The following PSMC2 variants were observed in gnomAD, a reference collection of about 807,000 sequenced individuals.
PSMC2 encodes proteasome 26S subunit, ATPase 2.
Under a neutral mutation model 53.3 loss-of-function variants are expected in PSMC2, and 7 were observed. The observed-to-expected ratio is 0.13, with a 90% CI of 0.07 to 0.25. The LOEUF (loss-of-function observed/expected upper bound fraction) is 0.25. Ranked by LOEUF, PSMC2 falls within the 10% of genes least tolerant of loss-of-function variation. PSMC2 has a pLI of 1.00. For synonymous variants in PSMC2, 169 were observed against 183.9 expected (o/e 0.92, Z 0.66); for missense variants, 241 against 544.0 (o/e 0.44, Z 5.54).
chr7:103,365,112 C>G (rs1162798239), intron 8 of PSMC2, among the ~76,000 whole-genome samples: 1 of 151,624 alleles, frequency 6.6e-6, no homozygotes, highest in Non-Finnish European at 1.5e-5. Context: ...CTAAAACTTG[C>G]AAGTCAAATT....
rs1426322126 is a variant in PSMC2 at position 103,352,218 on chromosome 7, A to T, written c.71-1703A>T. ...CCTACCTCTACTCATACTTAGTTAA[A>T]AAAAAAAAAAAAAAAAAAAAAAAAA... On this transcript the variant is annotated intron_variant, in intron 1 of 11. Coordinates refer to ENST00000292644, the MANE Select transcript of PSMC2 (RefSeq NM_002803.4). 5.4e-3 allele frequency among the ~76,000 whole-genome samples: 623 copies of T among 115,950 alleles called. 8 individuals carry two copies. Among genetic ancestry groups the T allele is most frequent in the African/African-American group, 0.037 (585 of 15,724 alleles). 76.1% of individuals were successfully genotyped at this position (115,950 alleles called of 152,430 possible).
chr7:103,352,719 A>T, intron 1 of PSMC2: 1 of 688,750 alleles, frequency 1.5e-6, no homozygotes, highest in Non-Finnish European at 2.7e-6. Flanking sequence ...TCCTAAAAAC[A>T]ACTCATCCTG....
intron 4 of PSMC2, among the ~76,000 whole-genome samples, chr7:103,357,050 G>C (rs1399747209): frequency 6.6e-6 from 1 of 152,040 alleles, no homozygotes; most frequent in African/African-American, 2.4e-5. Context: ...TTCAGGCTGG[G>C]CACGGCAGCT....
intron 1 of PSMC2, among the ~76,000 whole-genome samples, chr7:103,353,105 A>G (rs1819817459): frequency 6.6e-6 from 1 of 152,194 alleles, no homozygotes; most frequent in Non-Finnish European, 1.5e-5. Context: ...TTAACTGTAA[A>G]TCACTTGAAA....
intron 1 of PSMC2, among the ~76,000 whole-genome samples, chr7:103,352,559 A>T (rs899768576): frequency 2.0e-5 from 3 of 151,748 alleles, no homozygotes; most frequent in African/African-American, 7.3e-5. Flanking sequence ...ACAAGTGCAT[A>T]CCACCATGCT....
chr7:103,363,293 G>C, intron 6 of PSMC2, 51 bp from the exon 7 acceptor site: 2 of 1,412,310 alleles, frequency 1.4e-6, no homozygotes, highest in South Asian at 2.3e-5. Context: ...AATTTGGACA[G>C]TATCCAAAAA....
Position 103,353,970 on chromosome 7 carries a change from C to T in PSMC2, c.108+12C>T. On this transcript the variant is annotated intron_variant, in intron 2 of 11. Transcript: ENST00000292644. Reference sequence around the variant, plus strand: ...TGTTGAAAACTTATGTAAGTCCTTTCAGTGTCTACAAACTATAGATGTTTT... The same window carrying T: ...TGTTGAAAACTTATGTAAGTCCTTTTAGTGTCTACAAACTATAGATGTTTT... 1 of 1,573,318 alleles carries T rather than the reference C, an allele frequency of 6.4e-7. No individual in the cohort carries two copies. The highest frequency in any genetic ancestry group is 8.7e-7 in the Non-Finnish European group (1 of 1,148,410).
chr7:103,363,308 G>T, intron 6 of PSMC2, 36 bp from the exon 7 acceptor site: 1 of 1,526,676 alleles, frequency 6.6e-7, no homozygotes. Flanking sequence ...CAAAAAGCCT[G>T]TGACTGTATG....
Position 103,364,431 on chromosome 7 carries a change from CAG to C in PSMC2, c.756+127_756+128del, listed in dbSNP as rs547930987. On this transcript the variant is annotated intron_variant, in intron 8 of 11. Coordinates refer to ENST00000292644, the MANE Select transcript of PSMC2 (RefSeq NM_002803.4). ...AAATTTCTTTTTTCTTTTGTTGAGA[CAG>C]AGTCTCATTGTGTTGCCCAGGCTGG... 489 of 1,104,844 alleles carry C rather than the reference CAG, an allele frequency of 4.4e-4. 2 individuals carry two copies. The African/African-American group carries it at 6.7e-3, about 15-fold the overall frequency. The allele number at this position is 1,104,844 out of a possible 1,614,324, so 68.4% of individuals were successfully genotyped here. A position where few individuals can be genotyped will look rare whatever the true frequency, so the allele number is the denominator to read the frequency against.
Position 103,367,251 on chromosome 7 carries a change from G to A in PSMC2, c.845-162G>A, listed in dbSNP as rs553726787. ...AAAGCAAAGATTCACTTTCTAATTA[G>A]TTTTATATAAAGCAAGCTGTTCTTA... On this transcript the variant is annotated intron_variant, in intron 9 of 11. Coordinates refer to ENST00000292644, the MANE Select transcript of PSMC2 (RefSeq NM_002803.4). The surrounding 1 kb of genome is among the most constrained non-coding windows in gnomAD (Gnocchi z 6.1). 1.5e-3 allele frequency among the ~76,000 whole-genome samples: 227 copies of A among 152,236 alleles called. 1 individual carries two copies. Among genetic ancestry groups the A allele is most frequent in the Non-Finnish European group, 1.2e-3 (81 of 68,012 alleles).
At position 103,366,180 on chromosome 7, in the gene PSMC2, A is replaced by G. The variant is rs1219570273; in HGVS notation, c.844+17A>G. 1 of 1,582,230 alleles carries G rather than the reference A, an allele frequency of 6.3e-7. No homozygotes were observed. The highest frequency in any genetic ancestry group is 2.2e-5 in the East Asian group (1 of 44,730). Reference sequence around the variant, plus strand: ...CTATTGGAGGTGAGAATGATACGTTAGAGAACTGCTTTAGGATTCAGTTTC... The same window carrying G: ...CTATTGGAGGTGAGAATGATACGTTGGAGAACTGCTTTAGGATTCAGTTTC... On this transcript the variant is annotated intron_variant, in intron 9 of 11. Transcript: ENST00000292644.
intron 2 of PSMC2, 55 bp downstream of exon 2, chr7:103,354,013 GT>G: frequency 1.5e-6 from 2 of 1,364,862 alleles, no homozygotes; most frequent in Non-Finnish European, 2.0e-6. Context: ...AATAAAAACT[GT>G]TTTGGTATTG....
At chr7:103,360,156 T>A (rs1820297471) in intron 4 of PSMC2, among the ~76,000 whole-genome samples, 1 of 152,202 alleles carries the variant, frequency 6.6e-6, no homozygotes, top group South Asian at 2.1e-4. Flanking sequence ...ACTGATTTTT[T>A]TCCCCTTATG....
intron 4 of PSMC2, among the ~76,000 whole-genome samples, chr7:103,356,259 A>C (rs1820027130): frequency 5.3e-5 from 8 of 152,112 alleles, no homozygotes; most frequent in Admixed American, 5.2e-4. Flanking sequence ...CAAAAATTGC[A>C]TAATGTGTAG....
intron 1 of PSMC2, chr7:103,352,755 C>T: frequency 2.7e-6 from 2 of 745,798 alleles, no homozygotes; most frequent in Admixed American, 3.8e-5. Flanking sequence ...CTTTATTTCA[C>T]AAAAGAGAAA....
At chr7:103,352,970 A>C in intron 1 of PSMC2, 1 of 780,500 alleles carries the variant, frequency 1.3e-6, no homozygotes. Flanking sequence ...TTGTGAACTT[A>C]AATTTTTTAC....
Position 103,369,154 on chromosome 7 carries a change from A to G in PSMC2, c.*1100A>G, listed in dbSNP as rs554658418. 10 of 152,366 alleles carry G rather than the reference A, an allele frequency of 6.6e-5. No homozygotes were observed. The highest frequency in any genetic ancestry group is 1.2e-4 in the Non-Finnish European group (8 of 68,036). 9.4% of individuals were successfully genotyped at this position (152,366 alleles called of 1,614,324 possible). On this transcript the variant is annotated 3_prime_UTR_variant, in exon 12 of 12. Coordinates refer to ENST00000292644, the MANE Select transcript of PSMC2 (RefSeq NM_002803.4). ...TTGCACTGAAATACTTAAAATTATG[A>G]AAGTTTTCAAGTAAAGAAATTAAAG... is the stretch of plus-strand genomic sequence containing the variant.
chr7:103,364,107 G>A lies in PSMC2; in HGVS notation c.592-36G>A, dbSNP rs1222371002. On this transcript the variant is annotated intron_variant, in intron 7 of 11. Coordinates refer to ENST00000292644, the MANE Select transcript of PSMC2 (RefSeq NM_002803.4). The stretch of plus-strand genomic sequence containing the variant: ...GAAGTAGTCTGATTTTTGTTATACA[G>A]AAGTGGTAAGTGTGAAAATTGTGTC... 5.0e-6 allele frequency: 8 copies of A among 1,597,958 alleles called. No individual in the cohort carries two copies. In the South Asian group the frequency reaches 9.0e-5, roughly 18 times the overall value.
chr7:103,360,561 G>C (rs146981337), intron 4 of PSMC2, among the ~76,000 whole-genome samples: 58 of 152,264 alleles, frequency 3.8e-4, no homozygotes, highest in African/African-American at 1.3e-3. Context: ...ACCTGGCTAA[G>C]CCAAAGCATT....
Sources: gnomAD v4.1 joint callset for allele counts (sites outside exome capture counted in the v4.1 genomes callset) on GRCh38, gnomAD v4.1.1 for gene constraint, Gnocchi (gnomAD v3.1) non-coding constraint, MANE v1.5 for transcripts, NCBI Gene and HGNC (gene_info 2026-07-23, HGNC 2026-07-21) for gene names.